The following B3GAT2 variants were observed in gnomAD, a reference collection of about 807,000 sequenced individuals.
B3GAT2 encodes the protein galactosylgalactosylxylosylprotein 3-beta-glucuronosyltransferase 2.
In B3GAT2, 26 loss-of-function variants were observed where a neutral mutation model predicts 27.8. That is an observed-to-expected ratio of 0.93 (90% CI 0.68 to 1.30). The LOEUF (loss-of-function observed/expected upper bound fraction) is 1.30. B3GAT2 is among the 50% of genes most tolerant of loss of function. B3GAT2 has a pLI of 0.00. For missense variants in B3GAT2, 458 were observed against 459.0 expected, an observed-to-expected ratio of 1.00 and a Z score of 0.02; for synonymous variants, 218 against 195.1, an observed-to-expected ratio of 1.12 and a Z score of -0.98.
chr6:70,883,265 T>C (rs1334897852), intron 2 of B3GAT2, among the ~76,000 whole-genome samples: 1 of 152,198 alleles, frequency 6.6e-6, no homozygotes, highest in African/African-American at 2.4e-5. Context: ...AACAGATATC[T>C]GTGCACCAAT....
chr6:70,953,503 A>T (rs1016774403), intron 1 of B3GAT2, among the ~76,000 whole-genome samples: 2 of 152,202 alleles, frequency 1.3e-5, no homozygotes, highest in African/African-American at 4.8e-5. Context: ...CAAAGGCCTA[A>T]TCTGTCCAAA....
At chr6:70,892,657 T>G (rs1373576920) in intron 2 of B3GAT2, among the ~76,000 whole-genome samples, 1 of 152,202 alleles carries the variant, frequency 6.6e-6, no homozygotes, top group Non-Finnish European at 1.5e-5. Flanking sequence ...GGTGGTCATC[T>G]CCGGCAGCTG....
At chr6:70,911,691 G>T (rs1332030685) in intron 1 of B3GAT2, among the ~76,000 whole-genome samples, 2 of 152,126 alleles carry the variant, frequency 1.3e-5, no homozygotes, top group African/African-American at 4.8e-5. Flanking sequence ...AAATATCACT[G>T]GTAGTTTGAA....
Position 70,856,886 on chromosome 6 carries a change from A to C in B3GAT2, c.*4777T>G. The C allele has an allele frequency of 6.2e-7, 1 of 1,613,520 alleles. No individual in the cohort carries two copies. The highest frequency in any genetic ancestry group is 8.5e-7 in the Non-Finnish European group (1 of 1,179,656). On this transcript the variant is annotated 3_prime_UTR_variant, in exon 4 of 4. Transcript: ENST00000230053. ...GACACCCTCTGCACCAGCAGCTGCAACCCTGTCTACAGTAACATCTGGGGA... is the reference window on the plus strand; with the variant it reads ...GACACCCTCTGCACCAGCAGCTGCACCCCTGTCTACAGTAACATCTGGGGA...
chr6:70,912,434 T>G (rs1772702960), intron 1 of B3GAT2, among the ~76,000 whole-genome samples: 1 of 152,174 alleles, frequency 6.6e-6, no homozygotes, highest in Non-Finnish European at 1.5e-5. Flanking sequence ...TCATATTTAT[T>G]GATTTGTATA....
intron 1 of B3GAT2, among the ~76,000 whole-genome samples, chr6:70,954,922 G>A (rs924276118): frequency 1.3e-5 from 2 of 151,562 alleles, no homozygotes; most frequent in Admixed American, 6.6e-5. Flanking sequence ...CGGCGGGGGG[G>A]GGCGGTGCGC....
intron 2 of B3GAT2, among the ~76,000 whole-genome samples, chr6:70,887,037 G>C (rs687087): frequency 0.55 from 83,251 of 152,102 alleles, 26,213 homozygotes; most frequent in East Asian, 0.89. Flanking sequence ...CTACTGAGAA[G>C]ATTCAGTAAC....
At position 70,878,369 on chromosome 6, in the gene B3GAT2, TTTG is replaced by T. The variant is rs1177949784; in HGVS notation, c.736+15756_736+15758del. 9.8e-5 allele frequency among the ~76,000 whole-genome samples: 15 copies of T among 152,312 alleles called. No individual in the cohort carries two copies. The East Asian group carries it at 2.3e-3, about 24-fold the overall frequency. ...CACAATGGCTGATGAATGCTGTACT[TTTG>T]TAGTATACATAGTTTCCGTCAATAC... On this transcript the variant is annotated intron_variant, in intron 2 of 3. Transcript: ENST00000230053.
rs534766817 is a variant in B3GAT2, at chr6:70,857,762, A to C, written c.*3901T>G. 12 of 644,294 alleles carry C rather than the reference A, an allele frequency of 1.9e-5. No homozygotes were observed. The highest frequency in any genetic ancestry group is 3.2e-5 in the Non-Finnish European group (12 of 378,322). 39.9% of individuals were successfully genotyped at this position (644,294 alleles called of 1,614,324 possible). A position where few individuals can be genotyped will look rare whatever the true frequency, so the allele number is the denominator to read the frequency against. ...TGCATCCTAGAAACAACCAGCTCTC[A>C]GGGTTTAGGTGTGGGTTGGTCTGAG... On this transcript the variant is annotated 3_prime_UTR_variant, in exon 4 of 4. Transcript: ENST00000230053.
At chr6:70,949,476 G>C (rs1314608485) in intron 1 of B3GAT2, among the ~76,000 whole-genome samples, 2 of 150,452 alleles carry the variant, frequency 1.3e-5, no homozygotes, top group African/African-American at 4.9e-5. Context: ...CTGGCCATCA[G>C]AGAAATGCAA....
At chr6:70,909,185 T>C (rs974481974) in intron 1 of B3GAT2, among the ~76,000 whole-genome samples, 4 of 152,100 alleles carry the variant, frequency 2.6e-5, no homozygotes, top group African/African-American at 9.7e-5. Flanking sequence ...GGCTGTTTAT[T>C]TGGTATAAGA....
rs1765657478 is a variant in B3GAT2 at position 70,956,324 on chromosome 6, G to C, written c.106C>G (p.Pro36Ala). Residue 36 changes from proline (P) to alanine (A), a missense_variant, in exon 1 of 4, where the codon CCG becomes GCG. Transcript: ENST00000230053. Reference protein sequence around the residue: ...DTRRPVPPLTPRPYFSPYAVG... With the variant: ...DTRRPVPPLTARPYFSPYAVG... The stretch of plus-strand genomic sequence containing the variant: ...GCGTAGGGAGAGAAGTAGGGGCGCG[G>C]GGTGAGCGGGGGCACTGGCCTGCGC... The C allele has an allele frequency of 1.9e-6, 3 of 1,582,350 alleles. No homozygotes were observed. The highest frequency in any genetic ancestry group is 1.3e-5 in the African/African-American group (1 of 74,428).
At chr6:70,934,478 A>C (rs1205631519) in intron 1 of B3GAT2, among the ~76,000 whole-genome samples, 1 of 152,000 alleles carries the variant, frequency 6.6e-6, no homozygotes, top group Non-Finnish European at 1.5e-5. Context: ...CAGGGCACCA[A>C]ACAAAGGTAA....
At chr6:70,882,042 C>T (rs1772107315) in intron 2 of B3GAT2, among the ~76,000 whole-genome samples, 1 of 152,166 alleles carries the variant, frequency 6.6e-6, no homozygotes, top group African/African-American at 2.4e-5. Context: ...GCCCCCAACC[C>T]TCAACCATTC....
At position 70,860,499 on chromosome 6, in the gene B3GAT2, G is replaced by T; in HGVS notation, c.*1164C>A. On this transcript the variant is annotated 3_prime_UTR_variant, in exon 4 of 4. Transcript: ENST00000230053. ...TTGGTCTGTACTGATTCAATTTGAT[G>T]TGGTGAAAAGCAGGTTGATAAATCA... The T allele has an allele frequency of 3.0e-6, 2 of 675,130 alleles. No individual in the cohort carries two copies. Among genetic ancestry groups the T allele is most frequent in the Non-Finnish European group, 4.3e-6 (2 of 464,130 alleles). 41.8% of individuals were successfully genotyped at this position (675,130 alleles called of 1,614,324 possible).
intron 2 of B3GAT2, among the ~76,000 whole-genome samples, chr6:70,881,243 T>TG (rs1298077866): frequency 6.6e-6 from 1 of 152,178 alleles, no homozygotes; most frequent in Admixed American, 6.5e-5. Flanking sequence ...TTTACAGGAA[T>TG]CCTTGCTCTC....
chr6:70,935,216 C>T (rs73489521), intron 1 of B3GAT2, among the ~76,000 whole-genome samples: 10 of 152,052 alleles, frequency 6.6e-5, no homozygotes, highest in South Asian at 4.2e-4. Context: ...AAAGATGAGG[C>T]GGTAGGACTG....
chr6:70,939,717 G>T (rs1765356715), intron 1 of B3GAT2, among the ~76,000 whole-genome samples: 1 of 151,026 alleles, frequency 6.6e-6, no homozygotes, highest in Non-Finnish European at 1.5e-5. Context: ...ACACAGGAAG[G>T]GGAACATCAC....
At chr6:70,940,716 T>C (rs1765379530) in intron 1 of B3GAT2, among the ~76,000 whole-genome samples, 1 of 152,042 alleles carries the variant, frequency 6.6e-6, no homozygotes, top group Non-Finnish European at 1.5e-5. Flanking sequence ...TCACCTGAGG[T>C]CAGGAGTTTG....
Sources: allele counts gnomAD v4.1 joint callset (sites outside exome capture counted in the v4.1 genomes callset), GRCh38; gene constraint gnomAD v4.1.1; transcripts MANE v1.5; gene names NCBI Gene and HGNC (gene_info 2026-07-23, HGNC 2026-07-21).